Variants in CCDC171 observed in about 807,000 individuals in gnomAD.
CCDC171 encodes the protein coiled-coil domain-containing protein 171.
Under a neutral mutation model 168.2 loss-of-function variants are expected in CCDC171, and 177 were observed. The ratio of observed to expected loss-of-function variants is 1.05; its 90% CI spans 0.93 to 1.19. The LOEUF is 1.19. Among genes scored for constraint, CCDC171 ranks in the 50% most tolerant of loss-of-function variants. CCDC171 has a pLI of 0.00. For synonymous variants in CCDC171, 687 were observed against 540.8 expected, an observed-to-expected ratio of 1.27 and a Z score of -3.75; for missense variants, 1,991 against 1,539.0, an observed-to-expected ratio of 1.29 and a Z score of -4.91.
intron 3 of CCDC171, among the ~76,000 whole-genome samples, chr9:16,013,480 C>T (rs1008063905): frequency 5.3e-5 from 8 of 152,230 alleles, no homozygotes; most frequent in African/African-American, 1.9e-4. Context: ...GTTCAACCCA[C>T]TTCTCTTCCC....
intron 6 of CCDC171, among the ~76,000 whole-genome samples, chr9:16,033,807 C>T (rs545758996): frequency 5.9e-5 from 9 of 152,042 alleles, no homozygotes; most frequent in Non-Finnish European, 1.0e-4. Context: ...AAGAGGAAAC[C>T]GAGGACAGAG....
chr9:16,027,551 A>G (rs142136923), intron 6 of CCDC171, among the ~76,000 whole-genome samples: 135 of 152,366 alleles, frequency 8.9e-4, no homozygotes, highest in African/African-American at 3.1e-3. Flanking sequence ...CAAATGTTTA[A>G]CATACAATCA....
At chr9:15,768,710 T>C (rs1588392178) in intron 18 of CCDC171, among the ~76,000 whole-genome samples, 2 of 152,334 alleles carry the variant, frequency 1.3e-5, no homozygotes, top group East Asian at 3.8e-4. Context: ...TATTTCAGTA[T>C]AATGGGGTCA....
At chr9:16,014,337 T>A (rs1383090877) in intron 3 of CCDC171, among the ~76,000 whole-genome samples, 1 of 152,218 alleles carries the variant, frequency 6.6e-6, no homozygotes, top group Non-Finnish European at 1.5e-5. Flanking sequence ...CTAATTTTAG[T>A]TCTTTTGCTA....
At chr9:15,581,001 G>T (rs1489443632) in intron 4 of CCDC171, among the ~76,000 whole-genome samples, 1 of 152,184 alleles carries the variant, frequency 6.6e-6, no homozygotes, top group East Asian at 1.9e-4. Context: ...GTCTCTGTTT[G>T]CAGATGACAT....
At chr9:15,684,151 G>A (rs1281031538) in intron 10 of CCDC171, among the ~76,000 whole-genome samples, 1 of 152,050 alleles carries the variant, frequency 6.6e-6, no homozygotes, top group Non-Finnish European at 1.5e-5. Context: ...AGCTGTGAGG[G>A]TAAAAGTATG....
At chr9:15,763,427 C>T (rs1241327037) in intron 18 of CCDC171, among the ~76,000 whole-genome samples, 1 of 152,166 alleles carries the variant, frequency 6.6e-6, no homozygotes, top group Non-Finnish European at 1.5e-5. Flanking sequence ...CCCCAACTTG[C>T]TAATCATATG....
chr9:15,610,527 C>G (rs1326713640), intron 6 of CCDC171, among the ~76,000 whole-genome samples: 2 of 138,316 alleles, frequency 1.4e-5, no homozygotes, highest in Non-Finnish European at 3.0e-5. Context: ...CTTCGGGAGG[C>G]TGAGGCAGGA....
Position 15,994,985 on chromosome 9 carries a change from C to G in CCDC171, n.369-25604C>G, listed in dbSNP as rs556745945. ...GTATCATCATCACTGAATATAATTA[C>G]AGGCCAGAGGTTGTGCCAGGCATGC... On this transcript the variant is annotated intron_variant and non_coding_transcript_variant, in intron 3 of 9. Transcript: ENST00000486641. Among the ~76,000 whole-genome samples, 33 of 152,284 alleles carry G rather than the reference C, an allele frequency of 2.2e-4. 1 individual carries two copies. In the South Asian group the frequency reaches 6.6e-3, roughly 31 times the overall value.
chr9:15,765,286 G>A (rs2056661007), intron 18 of CCDC171, among the ~76,000 whole-genome samples: 1 of 152,114 alleles, frequency 6.6e-6, no homozygotes, highest in Non-Finnish European at 1.5e-5. Context: ...ATATTTAGGG[G>A]TCAAGGGAGG....
chr9:15,723,137 A>G (rs2053591764), intron 12 of CCDC171, among the ~76,000 whole-genome samples: 1 of 152,204 alleles, frequency 6.6e-6, no homozygotes, highest in South Asian at 2.1e-4. Context: ...CAGAAAGAAG[A>G]ATGAACTGTC....
At chr9:15,937,810 T>C (rs746759636) in intron 25 of CCDC171, among the ~76,000 whole-genome samples, 1 of 151,966 alleles carries the variant, frequency 6.6e-6, no homozygotes, top group Non-Finnish European at 1.5e-5. Context: ...TCAAGGCACA[T>C]CTTTTTCTAC....
At chr9:16,002,878 T>A (rs1385608835) in intron 3 of CCDC171, among the ~76,000 whole-genome samples, 1 of 152,216 alleles carries the variant, frequency 6.6e-6, no homozygotes, top group Non-Finnish European at 1.5e-5. Context: ...CAGTATTCAG[T>A]ACAGTAACAT....
intron 4 of CCDC171, among the ~76,000 whole-genome samples, chr9:15,585,237 T>C (rs1246251263): frequency 6.6e-6 from 1 of 152,208 alleles, no homozygotes; most frequent in Non-Finnish European, 1.5e-5. Flanking sequence ...GGTTTCACTC[T>C]TTATTATTTC....
chr9:15,689,134 A>C (rs2050611632), intron 10 of CCDC171, among the ~76,000 whole-genome samples: 1 of 152,236 alleles, frequency 6.6e-6, no homozygotes. Flanking sequence ...AAAGAATATA[A>C]TACTTAGGAA....
chr9:15,601,456 C>T (rs2042844429), intron 6 of CCDC171, among the ~76,000 whole-genome samples: 1 of 152,156 alleles, frequency 6.6e-6, no homozygotes, highest in Non-Finnish European at 1.5e-5. Context: ...ACAGTACAAC[C>T]ACGCTTTAGA....
intron 24 of CCDC171, chr9:15,883,107 C>T (rs1169720262): frequency 5.0e-6 from 2 of 397,708 alleles, no homozygotes; most frequent in African/African-American, 2.2e-5. Flanking sequence ...TAGCTCACTG[C>T]AGTCTCAAAT....
At chr9:15,856,371 T>G (rs1162817281) in intron 23 of CCDC171, among the ~76,000 whole-genome samples, 1 of 151,976 alleles carries the variant, frequency 6.6e-6, no homozygotes, top group Non-Finnish European at 1.5e-5. Context: ...TAACCACCAT[T>G]CTACTCTCCG....
rs1586858057 is a variant in CCDC171 at position 16,046,074 on chromosome 9, GAC to G, written n.89+3192_89+3193del. 2.0e-5 allele frequency among the ~76,000 whole-genome samples: 3 copies of G among 152,286 alleles called. No homozygotes were observed. The East Asian group carries it at 5.8e-4, about 29-fold the overall frequency. The stretch of plus-strand genomic sequence containing the variant: ...ACACACTGGTTAGGTCACTCCCATA[GAC>G]ACAGTTATTGAGGGCAAAGTCCAGA... On this transcript the variant is annotated intron_variant and non_coding_transcript_variant, in intron 1 of 1. Transcript: ENST00000478913.
Sources: allele counts gnomAD v4.1 joint callset (sites outside exome capture counted in the v4.1 genomes callset), GRCh38; gene constraint gnomAD v4.1.1; transcripts MANE v1.5; gene names NCBI Gene and HGNC (gene_info 2026-07-23, HGNC 2026-07-21).